Variants in SCAI observed in about 807,000 individuals in gnomAD.
The protein encoded by SCAI is protein SCAI.
A neutral mutation model predicts 92.2 loss-of-function variants in SCAI; 24 were observed. The observed-to-expected ratio is 0.26, with a 90% CI of 0.19 to 0.37. SCAI has a LOEUF of 0.37. SCAI is among the 10% of genes least tolerant of loss of function. SCAI has a pLI of 1.00. For missense variants in SCAI, 450 were observed against 736.2 expected, an observed-to-expected ratio of 0.61 and a Z score of 4.50; for synonymous variants, 261 against 258.6, an observed-to-expected ratio of 1.01 and a Z score of -0.09.
rs1177865840 is a variant in SCAI, at chr9:125,032,195, A to ATATTTTTT, written c.231-2457_231-2456insAAAAAATA. Among the ~76,000 whole-genome samples the ATATTTTTT allele has an allele frequency of 2.1e-3, 212 of 99,404 alleles. 1 individual carries two copies. Among genetic ancestry groups the ATATTTTTT allele is most frequent in the East Asian group, 0.016 (49 of 3,046 alleles). 65.2% of individuals were successfully genotyped at this position (99,404 alleles called of 152,430 possible). A position where few individuals can be genotyped will look rare whatever the true frequency, so the allele number is the denominator to read the frequency against. On this transcript the variant is annotated intron_variant, in intron 3 of 17. Transcript: ENST00000336505. The stretch of plus-strand genomic sequence containing the variant: ...AATATATATATATATATATATATAT[A>ATATTTTTT]TTTTTTTTTTTTTTTGAGATGGAGT...
At chr9:125,127,606 A>C (rs1835304465) in intron 2 of SCAI, among the ~76,000 whole-genome samples, 1 of 152,208 alleles carries the variant, frequency 6.6e-6, no homozygotes, top group African/African-American at 2.4e-5. Context: ...TTCATGAGGT[A>C]AGATTCATAT....
chr9:125,024,805 G>A (rs1325254357), intron 6 of SCAI, among the ~76,000 whole-genome samples: 1 of 152,106 alleles, frequency 6.6e-6, no homozygotes, highest in East Asian at 1.9e-4. Context: ...ACAGAATTGG[G>A]GTGTGCAGCT....
chr9:124,985,400 T>G (rs1459602407), intron 14 of SCAI, among the ~76,000 whole-genome samples: 1 of 152,148 alleles, frequency 6.6e-6, no homozygotes, highest in South Asian at 2.1e-4. Context: ...GTGTCTGGCA[T>G]AAGCAAATGC....
At chr9:124,954,197 A>G (rs966598028) in intron 17 of SCAI, among the ~76,000 whole-genome samples, 2 of 152,266 alleles carry the variant, frequency 1.3e-5, no homozygotes, top group African/African-American at 4.8e-5. Flanking sequence ...ACAGAAAATC[A>G]ACAAAAATAC....
At chr9:125,004,825 G>A (rs186384066) in intron 9 of SCAI, among the ~76,000 whole-genome samples, 2 of 91,546 alleles carry the variant, frequency 2.2e-5, no homozygotes, top group East Asian at 7.3e-4. Context: ...TTTCATTCTC[G>A]TCACCCAGGC....
chr9:125,014,890 T>C (rs1832719036), intron 9 of SCAI, among the ~76,000 whole-genome samples: 1 of 152,260 alleles, frequency 6.6e-6, no homozygotes, highest in African/African-American at 2.4e-5. Flanking sequence ...TATCTACAAC[T>C]ATCTGATCTT....
In SCAI at chr9:124,955,758, T is replaced by C. The variant is rs532166193; in HGVS notation, c.1675-2805A>G. Among the ~76,000 whole-genome samples, 12 of 152,026 alleles carry C rather than the reference T, an allele frequency of 7.9e-5. No homozygotes were observed. The South Asian group carries it at 8.3e-4, about 11-fold the overall frequency. On this transcript the variant is annotated intron_variant, in intron 17 of 17. Transcript: ENST00000336505. ...AAAAACAAATTACTAATAAGGGATA[T>C]GAAAGATCACTACAGTGCCTACAGG...
intron 2 of SCAI, among the ~76,000 whole-genome samples, chr9:125,074,279 T>C (rs867226209): frequency 7.2e-6 from 1 of 138,686 alleles, no homozygotes; most frequent in South Asian, 2.3e-4. Context: ...AAAAAAAAGA[T>C]AGAGTCTCGC....
At chr9:125,023,823 T>G (rs1832914812) in intron 6 of SCAI, among the ~76,000 whole-genome samples, 1 of 152,162 alleles carries the variant, frequency 6.6e-6, no homozygotes, top group South Asian at 2.1e-4. Flanking sequence ...GCCACTGTGA[T>G]GAACTGCAGC....
At chr9:125,139,536 G>A (rs927741746) in intron 2 of SCAI, among the ~76,000 whole-genome samples, 2 of 152,312 alleles carry the variant, frequency 1.3e-5, no homozygotes, top group South Asian at 4.1e-4. Flanking sequence ...TCATCTTGAA[G>A]GTTCACCAGA....
chr9:124,984,079 G>A (rs539314521), intron 14 of SCAI, among the ~76,000 whole-genome samples: 1 of 152,276 alleles, frequency 6.6e-6, no homozygotes, highest in African/African-American at 2.4e-5. Flanking sequence ...GACAATTAGG[G>A]AAGACCTTTT....
intron 2 of SCAI, among the ~76,000 whole-genome samples, chr9:125,111,558 A>T (rs1834929266): frequency 7.0e-6 from 1 of 143,416 alleles, no homozygotes; most frequent in South Asian, 2.2e-4. Context: ...TTTTTGTGAA[A>T]ATTTTTTTTT....
chr9:124,974,060 A>G, intron 15 of SCAI: 1 of 251,510 alleles, frequency 4.0e-6, no homozygotes, highest in South Asian at 3.3e-5. Context: ...CTTGTGAATC[A>G]CTTATAATAA....
At position 125,059,907 on chromosome 9, in the gene SCAI, G is replaced by A. The variant is rs959561149; in HGVS notation, c.99-3900C>T. ...TCTTATACAGCATCATGATTTACAC[G>A]CTATTCCCCTGGCCTATTTTGTACA... On this transcript the variant is annotated intron_variant, in intron 2 of 17. Coordinates refer to ENST00000336505, the MANE Select transcript of SCAI (RefSeq NM_001144877.3). Among the ~76,000 whole-genome samples, 11 of 152,180 alleles carry A rather than the reference G, an allele frequency of 7.2e-5. No individual in the cohort carries two copies. In the East Asian group the frequency reaches 7.7e-4, roughly 11 times the overall value.
intron 2 of SCAI, among the ~76,000 whole-genome samples, chr9:125,109,897 A>T (rs1490950868): frequency 6.6e-6 from 1 of 152,186 alleles, no homozygotes; most frequent in East Asian, 1.9e-4. Context: ...CATGATGGCC[A>T]GGCTGGTCTC....
At chr9:125,143,348 C>G (rs1835716456) in intron 1 of SCAI, 37 bp downstream of exon 1, 1 of 1,272,112 alleles carries the variant, frequency 7.9e-7, no homozygotes, top group Non-Finnish European at 1.0e-6. Flanking sequence ...TGGCCCCCAC[C>G]CCATCCCCAA....
chr9:125,009,557 G>C (rs62582240), intron 9 of SCAI, among the ~76,000 whole-genome samples: 3 of 151,826 alleles, frequency 2.0e-5, no homozygotes, highest in Admixed American at 6.6e-5. Context: ...CATGCCCAAA[G>C]GCATGAGTCA....
At position 124,945,729 on chromosome 9, in the gene SCAI, A is replaced by G. The variant is rs1831135722; in HGVS notation, c.*7078T>C. On this transcript the variant is annotated 3_prime_UTR_variant, in exon 18 of 18. Transcript: ENST00000336505. The stretch of plus-strand genomic sequence containing the variant: ...CTGACACCCTTCCCGTCAATAGGTG[A>G]TTGATTCCATTCACACATCAATTAT... The G allele has an allele frequency of 6.6e-6, 1 of 152,216 alleles. No homozygotes were observed. Among genetic ancestry groups the G allele is most frequent in the Non-Finnish European group, 1.5e-5 (1 of 68,044 alleles). 9.4% of individuals were successfully genotyped at this position (152,216 alleles called of 1,614,324 possible). A position where few individuals can be genotyped will look rare whatever the true frequency, so the allele number is the denominator to read the frequency against.
At chr9:125,000,636 C>CT (rs11315934) in intron 12 of SCAI, among the ~76,000 whole-genome samples, 107 of 144,958 alleles carry the variant, frequency 7.4e-4, no homozygotes, top group African/African-American at 1.7e-3. Flanking sequence ...ATAAAATAAG[C>CT]TTTTTTTTTT....
Sources: allele counts gnomAD v4.1 joint callset (sites outside exome capture counted in the v4.1 genomes callset), GRCh38; gene constraint gnomAD v4.1.1; transcripts MANE v1.5; gene names NCBI Gene and HGNC (gene_info 2026-07-23, HGNC 2026-07-21).